The following SHE variants were observed in gnomAD, a reference collection of about 807,000 sequenced individuals.
SHE encodes SH2 domain-containing adapter protein E.
A neutral mutation model predicts 49.8 loss-of-function variants in SHE; 11 were observed. The ratio of observed to expected loss-of-function variants is 0.22; its 90% confidence interval spans 0.14 to 0.37. The LOEUF (loss-of-function observed/expected upper bound fraction) is 0.37. Ranked by LOEUF, SHE falls within the 10% of genes least tolerant of loss-of-function variation. SHE has a pLI of 1.00. For missense variants in SHE, 624 were observed against 655.5 expected (o/e 0.95, Z 0.52); for synonymous variants, 310 against 278.1 (o/e 1.11, Z -1.14).
In SHE at chr1:154,484,214, T is replaced by C. The variant is rs1692102414; in HGVS notation, c.1423A>G (p.Lys475Glu). The C allele has an allele frequency of 1.2e-6, 2 of 1,614,196 alleles. No individual in the cohort carries two copies. Among genetic ancestry groups the C allele is most frequent in the South Asian group, 2.2e-5 (2 of 91,088 alleles). ...TGTTCTGCCCCTTTGAAAGGCAACTTTTCATTGGAATAATAGTGTACCACT... is the reference window on the plus strand; with the variant it reads ...TGTTCTGCCCCTTTGAAAGGCAACTCTTCATTGGAATAATAGTGTACCACT... The part of the protein sequence containing the change: ...PEVVHYYSNE[K>E]LPFKGAEHMT... The change falls in exon 6 of 6, where the codon AAG (lysine) becomes GAG (glutamate). Residue 475 changes from lysine (K) to glutamate (E), a missense_variant. Around this residue, in one of 4 missense-constraint regions of SHE, gnomAD observed 125 missense variants for 181.7 expected, o/e 0.69. Transcript: ENST00000304760.
Position 154,486,583 on chromosome 1 carries a change from G to A in SHE, c.1125C>T (p.Leu375=). Residue 375 remains leucine (L), a synonymous_variant, in exon 4 of 6, where the codon CTC becomes CTT. Transcript: ENST00000304760. ...SWTQKILKPA[L]SDHSEGEKVD... is the part of the protein sequence containing the mutation. ...CTTTCTCTCCCTCACTGTGGTCCGA[G>A]AGGGCTGGCTTCAGGATCTTCTGGG... The A allele has an allele frequency of 6.2e-7, 1 of 1,614,200 alleles. No individual in the cohort carries two copies. Among genetic ancestry groups the A allele is most frequent in the Non-Finnish European group, 8.5e-7 (1 of 1,180,044 alleles).
downstream of SHE, among the ~76,000 whole-genome samples, chr1:154,475,111 CA>C (rs1691845896): frequency 6.6e-6 from 1 of 151,932 alleles, no homozygotes; most frequent in South Asian, 2.1e-4. Context: ...GCCGGGGGTA[CA>C]GGGGAGGGCT....
At chr1:154,470,714 C>A (rs1398361094) in intron 1 of SHE, among the ~76,000 whole-genome samples, 2 of 152,162 alleles carry the variant, frequency 1.3e-5, no homozygotes, top group African/African-American at 4.8e-5. Context: ...GTGGCGGGCA[C>A]CTGTAATCCC....
chr1:154,472,299 C>T (rs532142204), intron 1 of SHE, among the ~76,000 whole-genome samples: 3 of 152,340 alleles, frequency 2.0e-5, no homozygotes, highest in African/African-American at 7.2e-5. Flanking sequence ...AGCACCTGCA[C>T]GCACCACTCA....
downstream of SHE, among the ~76,000 whole-genome samples, chr1:154,475,514 T>G (rs549629289): frequency 2.0e-5 from 3 of 152,214 alleles, no homozygotes; most frequent in South Asian, 4.1e-4. Context: ...TAAGTGCATT[T>G]AGGAAGTCAC....
At chr1:154,490,317 G>A (rs1025933541) in intron 2 of SHE, among the ~76,000 whole-genome samples, 5 of 152,200 alleles carry the variant, frequency 3.3e-5, no homozygotes, top group African/African-American at 4.8e-5. Context: ...ACTATTCTAA[G>A]TGTCTAGTAA....
chr1:154,495,264 G>A (rs1258220900), intron 2 of SHE, among the ~76,000 whole-genome samples: 1 of 152,194 alleles, frequency 6.6e-6, no homozygotes, highest in Non-Finnish European at 1.5e-5. Flanking sequence ...GCTAGATTAT[G>A]TAGAATATTT....
rs1691966175 is a variant in SHE, at chr1:154,479,591, TTC to T, written c.*4556_*4557del. ...AACAACCAGAAGTTTTATAAAATAT[TTC>T]TGATTTAAATTACTAAGGCACTATA... On this transcript the variant is annotated 3_prime_UTR_variant, in exon 6 of 6. Transcript: ENST00000304760. The T allele has an allele frequency of 1.0e-6, 1 of 974,912 alleles. No individual in the cohort carries two copies. The highest frequency in any genetic ancestry group is 1.8e-5 in the African/African-American group (1 of 57,008). The allele number at this position is 974,912 out of a possible 1,614,324, so 60.4% of individuals were successfully genotyped here. A position where few individuals can be genotyped will look rare whatever the true frequency, so the allele number is the denominator to read the frequency against.
Position 154,479,811 on chromosome 1 carries a change from C to G in SHE, c.*4338G>C, listed in dbSNP as rs1691971765. 1.0e-6 allele frequency: 1 copy of G among 985,300 alleles called. No individual in the cohort carries two copies. The highest frequency in any genetic ancestry group is 1.7e-5 in the African/African-American group (1 of 57,224). 61.0% of individuals were successfully genotyped at this position (985,300 alleles called of 1,614,324 possible). ...AATTTGAGATTCTAAATTACACGATCCAGCCTTAGTCCAGGGACCTTGTGA... is the reference window on the plus strand; with the variant it reads ...AATTTGAGATTCTAAATTACACGATGCAGCCTTAGTCCAGGGACCTTGTGA... On this transcript the variant is annotated 3_prime_UTR_variant, in exon 6 of 6. Coordinates refer to ENST00000304760, the MANE Select transcript of SHE (RefSeq NM_001010846.3).
chr1:154,497,743 CG>C (rs1161958458), intron 2 of SHE, among the ~76,000 whole-genome samples: 1 of 151,974 alleles, frequency 6.6e-6, no homozygotes, highest in Non-Finnish European at 1.5e-5. Context: ...TGCAATGGCA[CG>C]ATCTTGGCTC....
intron 2 of SHE, among the ~76,000 whole-genome samples, chr1:154,497,070 T>C (rs545323991): frequency 5.1e-4 from 77 of 152,330 alleles, no homozygotes; most frequent in Middle Eastern, 3.4e-3. Context: ...ACAGATTTCA[T>C]TAGGGGTCAC....
At position 154,481,275 on chromosome 1, in the gene SHE, G is replaced by T; in HGVS notation, c.*2874C>A. 8 of 985,410 alleles carry T rather than the reference G, an allele frequency of 8.1e-6. No individual in the cohort carries two copies. Among genetic ancestry groups the T allele is most frequent in the Non-Finnish European group, 9.6e-6 (8 of 829,932 alleles). 61.0% of individuals were successfully genotyped at this position (985,410 alleles called of 1,614,324 possible). A position where few individuals can be genotyped will look rare whatever the true frequency, so the allele number is the denominator to read the frequency against. On this transcript the variant is annotated 3_prime_UTR_variant, in exon 6 of 6. Coordinates refer to ENST00000304760, the MANE Select transcript of SHE (RefSeq NM_001010846.3). ...TCAGCTTGTGTCACAACCTCAAGAAGAAAATAGCTCACTAACGCCCCCACC... is the reference window on the plus strand; with the variant it reads ...TCAGCTTGTGTCACAACCTCAAGAATAAAATAGCTCACTAACGCCCCCACC...
intron 2 of SHE, among the ~76,000 whole-genome samples, chr1:154,497,656 G>C (rs1206320289): frequency 2.0e-5 from 3 of 151,970 alleles, no homozygotes; most frequent in Admixed American, 6.6e-5. Flanking sequence ...TGAATGGCTT[G>C]GTTTACACAG....
chr1:154,470,307 G>A (rs781175745), exon 2 of SHE: 4 of 1,288,848 alleles, frequency 3.1e-6, no homozygotes, highest in Non-Finnish European at 4.0e-6. Context: ...TTGCTGTTAG[G>A]ATGACATGGT....
chr1:154,475,685 G>A (rs1691862678), downstream of SHE, among the ~76,000 whole-genome samples: 1 of 152,220 alleles, frequency 6.6e-6, no homozygotes, highest in Non-Finnish European at 1.5e-5. Flanking sequence ...TTATTAAAAT[G>A]TACAAGAAGT....
chr1:154,492,230 G>C (rs1205497010), intron 2 of SHE, among the ~76,000 whole-genome samples: 2 of 151,916 alleles, frequency 1.3e-5, no homozygotes, highest in Non-Finnish European at 2.9e-5. Flanking sequence ...AATCACCCGC[G>C]GGCTTTCACA....
chr1:154,476,631 CA>C (rs936854564), downstream of SHE, among the ~76,000 whole-genome samples: 8 of 129,686 alleles, frequency 6.2e-5, no homozygotes, highest in African/African-American at 2.1e-4. Context: ...GACTCTGTCT[CA>C]AAAAAAAAGT....
At chr1:154,499,065 C>T (rs370499138) in intron 2 of SHE, 47 bp downstream of exon 2, 1 of 1,604,106 alleles carries the variant, frequency 6.2e-7, no homozygotes, top group African/African-American at 1.3e-5. Context: ...ACAACACTCA[C>T]TGAGTGTGAG....
At chr1:154,484,499 A>T in intron 5 of SHE, 164 bp from the exon 6 acceptor site, 2 of 597,890 alleles carry the variant, frequency 3.3e-6, no homozygotes, top group South Asian at 2.3e-5. Flanking sequence ...TACTCTCAGA[A>T]ATTTCACAGT....
Sources: gnomAD v4.1 joint callset for allele counts (sites outside exome capture counted in the v4.1 genomes callset) on GRCh38, gnomAD v4.1.1 for gene constraint, gnomAD v4.1.1 regional missense constraint, MANE v1.5 for transcripts, NCBI Gene and HGNC (gene_info 2026-07-23, HGNC 2026-07-21) for gene names.